ANKRD44: variants seen among roughly 807,000 people sequenced by gnomAD.
ANKRD44 encodes the protein ankyrin repeat domain 44.
A neutral mutation model predicts 116.0 loss-of-function variants in ANKRD44; 35 were observed. The ratio of observed to expected loss-of-function variants is 0.30; its 90% CI spans 0.23 to 0.40. The LOEUF is 0.40. Ranked by LOEUF, ANKRD44 falls within the 10% of genes least tolerant of loss-of-function variation. ANKRD44 has a pLI of 1.00. For synonymous variants in ANKRD44, 435 were observed against 461.8 expected (o/e 0.94, Z 0.74); for missense variants, 1,014 against 1,242.6 (o/e 0.82, Z 2.77).
intron 16 of ANKRD44, among the ~76,000 whole-genome samples, chr2:197,025,537 T>C (rs1056393230): frequency 1.3e-5 from 2 of 152,256 alleles, no homozygotes; most frequent in African/African-American, 4.8e-5. Flanking sequence ...CAGTATTGAT[T>C]CTACTATCAA....
chr2:197,093,769 C>G (rs903650577), intron 10 of ANKRD44, among the ~76,000 whole-genome samples: 11 of 152,182 alleles, frequency 7.2e-5, no homozygotes, highest in Non-Finnish European at 1.6e-4. Flanking sequence ...ATTATAAAAC[C>G]TTTAGCAGGA....
intron 2 of ANKRD44, among the ~76,000 whole-genome samples, chr2:197,180,075 C>A (rs1340751109): frequency 2.6e-5 from 4 of 151,772 alleles, no homozygotes; most frequent in Non-Finnish European, 5.9e-5. Context: ...CCCACCCCGG[C>A]CCCTAATCAG....
chr2:197,309,388 C>T (rs971265226), intron 1 of ANKRD44, among the ~76,000 whole-genome samples: 1 of 152,154 alleles, frequency 6.6e-6, no homozygotes, highest in Admixed American at 6.5e-5. Flanking sequence ...CCAACCCCGC[C>T]AAACACCTGT....
At chr2:197,295,841 CTT>C (rs1354744139) in intron 1 of ANKRD44, among the ~76,000 whole-genome samples, 3 of 152,072 alleles carry the variant, frequency 2.0e-5, no homozygotes, top group African/African-American at 7.2e-5. Flanking sequence ...GGGCAGATCC[CTT>C]GAGTTCAGGA....
Position 196,987,601 on chromosome 2 carries a change from TA to T in ANKRD44, c.*1989del. ...ACCAAGCAGTGTTTACTGCCTAAAG[TA>T]CCAAAACATACTATGGTGCCCTTTT... On this transcript the variant is annotated 3_prime_UTR_variant, in exon 28 of 28. Transcript: ENST00000282272. 1.0e-6 allele frequency: 1 copy of T among 985,338 alleles called. No homozygotes were observed. Among genetic ancestry groups the T allele is most frequent in the Non-Finnish European group, 1.2e-6 (1 of 829,838 alleles). The allele number at this position is 985,338 out of a possible 1,614,324, so 61.0% of individuals were successfully genotyped here. A position where few individuals can be genotyped will look rare whatever the true frequency, so the allele number is the denominator to read the frequency against.
rs1279603135 is a variant in ANKRD44 at position 197,203,475 on chromosome 2, T to C, written c.28-16369A>G. On this transcript the variant is annotated intron_variant, in intron 1 of 27. Transcript: ENST00000282272. This position sits in a 1 kb window ranked among gnomAD's most constrained non-coding sequence, Gnocchi z 4.1. ...CAGTGTTGGGAAGAATGTGAAGAAATTGGAACATTGCTGATTGGAATGTAT... is the reference window on the plus strand; with the variant it reads ...CAGTGTTGGGAAGAATGTGAAGAAACTGGAACATTGCTGATTGGAATGTAT... Among the ~76,000 whole-genome samples the C allele has an allele frequency of 6.6e-6, 1 of 152,104 alleles. No individual in the cohort carries two copies. The highest frequency in any genetic ancestry group is 1.5e-5 in the Non-Finnish European group (1 of 68,030).
intron 1 of ANKRD44, among the ~76,000 whole-genome samples, chr2:197,294,001 TCAGA>T: frequency 6.6e-6 from 1 of 152,252 alleles, no homozygotes; most frequent in East Asian, 1.9e-4. Flanking sequence ...GAAATGCACC[TCAGA>T]CTGAGCCAGA....
chr2:196,980,196 T>C (rs2075791188), intron 21 of ANKRD44, among the ~76,000 whole-genome samples: 1 of 152,196 alleles, frequency 6.6e-6, no homozygotes, highest in African/African-American at 2.4e-5. Flanking sequence ...TTTTTAGCAC[T>C]GATGCCAAAA....
intron 1 of ANKRD44, among the ~76,000 whole-genome samples, chr2:197,235,017 C>T (rs1044752356): frequency 6.6e-6 from 1 of 152,182 alleles, no homozygotes; most frequent in African/African-American, 2.4e-5. Flanking sequence ...TCAATCAGCC[C>T]TATGTTTCAC....
intron 3 of ANKRD44, among the ~76,000 whole-genome samples, chr2:197,141,574 C>T (rs1043744127): frequency 2.6e-5 from 4 of 152,176 alleles, no homozygotes; most frequent in Non-Finnish European, 5.9e-5. Context: ...TGTAACGACA[C>T]CAGCATTGTT....
At chr2:197,062,659 C>T (rs575568858) in intron 16 of ANKRD44, among the ~76,000 whole-genome samples, 55 of 152,334 alleles carry the variant, frequency 3.6e-4, no homozygotes, top group African/African-American at 1.2e-3. Context: ...AAATGGCACA[C>T]CAGGAGATTA....
At chr2:197,081,092 C>T (rs1433266277) in intron 15 of ANKRD44, among the ~76,000 whole-genome samples, 2 of 152,142 alleles carry the variant, frequency 1.3e-5, no homozygotes, top group Non-Finnish European at 2.9e-5. Flanking sequence ...CCACCCCTGC[C>T]ACAGCAAAGA....
intron 1 of ANKRD44, among the ~76,000 whole-genome samples, chr2:197,246,819 T>C (rs1005544942): frequency 6.6e-6 from 1 of 152,106 alleles, no homozygotes; most frequent in Admixed American, 6.5e-5. Context: ...ATTTTAGAGA[T>C]GAGGAAACTG....
In ANKRD44 at chr2:197,032,495, T is replaced by C. The variant is rs368317408; in HGVS notation, c.1651-7228A>G. 2.6e-5 allele frequency among the ~76,000 whole-genome samples: 4 copies of C among 152,062 alleles called. No homozygotes were observed. The South Asian group carries it at 8.3e-4, about 32-fold the overall frequency. On this transcript the variant is annotated intron_variant, in intron 16 of 27. Coordinates refer to ENST00000282272, the MANE Select transcript of ANKRD44 (RefSeq NM_001195144.2). ...CTTCCGCCTCCCGGGTTCATGTGAT[T>C]CTCCTGCCTCAGCCTCCTGAGTAGC... is the stretch of plus-strand genomic sequence containing the variant.
chr2:197,074,727 C>A (rs2077630038), intron 16 of ANKRD44, among the ~76,000 whole-genome samples: 1 of 152,172 alleles, frequency 6.6e-6, no homozygotes, highest in Admixed American at 6.5e-5. Flanking sequence ...AATCCTCCCA[C>A]CTCAGCCTCC....
At chr2:197,049,484 A>G (rs1377971609) in intron 16 of ANKRD44, among the ~76,000 whole-genome samples, 1 of 152,212 alleles carries the variant, frequency 6.6e-6, no homozygotes, top group African/African-American at 2.4e-5. Context: ...TTACCCTCCA[A>G]TAACACCTAC....
chr2:197,052,530 T>A (rs2077128325), intron 16 of ANKRD44, among the ~76,000 whole-genome samples: 4 of 151,664 alleles, frequency 2.6e-5, no homozygotes, highest in Admixed American at 2.0e-4. Flanking sequence ...TTAGAGAAAA[T>A]TAGGCAATGT....
At chr2:197,260,243 T>C (rs1440459894) in intron 1 of ANKRD44, among the ~76,000 whole-genome samples, 5 of 151,986 alleles carry the variant, frequency 3.3e-5, no homozygotes, top group African/African-American at 4.8e-5. Flanking sequence ...CTCCCCCCAC[T>C]CCACAACAGT....
intron 3 of ANKRD44, among the ~76,000 whole-genome samples, chr2:197,145,087 C>A (rs2697257): frequency 0.64 from 96,989 of 151,566 alleles, 34,186 homozygotes; most frequent in East Asian, 0.94. Context: ...GTCAGGAGAT[C>A]GAGACTATCC....
Sources: gnomAD v4.1 joint callset for allele counts (sites outside exome capture counted in the v4.1 genomes callset) on GRCh38, gnomAD v4.1.1 for gene constraint, Gnocchi (gnomAD v3.1) non-coding constraint, MANE v1.5 for transcripts, NCBI Gene and HGNC (gene_info 2026-07-23, HGNC 2026-07-21) for gene names.